DLC1: variants seen among roughly 807,000 people sequenced by gnomAD.
DLC1 encodes the protein rho GTPase-activating protein 7.
DLC1 carries 54 observed loss-of-function variants against 140.3 expected under a neutral mutation model. That is an observed-to-expected ratio of 0.38 (90% CI 0.31 to 0.48). The LOEUF (loss-of-function observed/expected upper bound fraction) is 0.48, where lower values mean the gene tolerates loss of function less well. Among genes scored for constraint, DLC1 ranks in the 20% least tolerant of loss-of-function variants. The pLI is 0.96. For missense variants in DLC1, 2,536 were observed against 1,907.0 expected (o/e 1.33, Z -6.14); for synonymous variants, 986 against 728.1 (o/e 1.35, Z -5.70).
At chr8:13,215,658 C>G (rs770923910) in intron 5 of DLC1, among the ~76,000 whole-genome samples, 1 of 152,002 alleles carries the variant, frequency 6.6e-6, no homozygotes, top group Non-Finnish European at 1.5e-5. Flanking sequence ...ACTAGGGAAG[C>G]AAACTTTAAA....
chr8:13,093,248 C>T (rs148790263), intron 12 of DLC1, among the ~76,000 whole-genome samples: 2,037 of 152,112 alleles, frequency 0.013, 15 homozygotes, highest in Middle Eastern at 0.048. Flanking sequence ...TGTACAAGAA[C>T]GTAAGAACAG....
chr8:13,143,813 T>TGAGAGAGAGAGAGATAGAGAGAGAGA (rs1823203084), intron 5 of DLC1, among the ~76,000 whole-genome samples: 1 of 128,642 alleles, frequency 7.8e-6, no homozygotes, highest in Non-Finnish European at 1.6e-5. Flanking sequence ...AATGAAAAGC[T>TGAGAGAGAGAGAGATAGAGAGAGAGA]GAGAGAGAGA....
intron 4 of DLC1, among the ~76,000 whole-genome samples, chr8:13,351,004 A>T (rs566117075): frequency 4.3e-4 from 65 of 152,348 alleles, no homozygotes; most frequent in African/African-American, 1.5e-3. Context: ...TTTGATACAG[A>T]TGCTTGGTTT....
At chr8:13,087,646 C>A (rs1306133922) in intron 16 of DLC1, among the ~76,000 whole-genome samples, 1 of 152,188 alleles carries the variant, frequency 6.6e-6, no homozygotes, top group Non-Finnish European at 1.5e-5. Context: ...AAAAAGAGCC[C>A]ATTTGAAGTG....
chr8:13,163,840 A>T (rs1438065529), intron 5 of DLC1, among the ~76,000 whole-genome samples: 1 of 151,974 alleles, frequency 6.6e-6, no homozygotes, highest in Non-Finnish European at 1.5e-5. Context: ...CCAAAACAAC[A>T]ACAGAATAAC....
chr8:13,243,671 C>T (rs145397356), intron 5 of DLC1, among the ~76,000 whole-genome samples: 1 of 152,220 alleles, frequency 6.6e-6, no homozygotes, highest in Non-Finnish European at 1.5e-5. Context: ...AAATTGTCAT[C>T]AGTATTTGAG....
intron 5 of DLC1, among the ~76,000 whole-genome samples, chr8:13,212,550 C>G (rs1490640504): frequency 2.0e-5 from 3 of 152,004 alleles, no homozygotes; most frequent in African/African-American, 7.3e-5. Flanking sequence ...GCTCTGGGCA[C>G]TCATTATGCA....
intron 4 of DLC1, among the ~76,000 whole-genome samples, chr8:13,318,788 A>G (rs558119311): frequency 1.3e-5 from 2 of 152,324 alleles, no homozygotes; most frequent in African/African-American, 4.8e-5. Flanking sequence ...TCTACATGTC[A>G]GTCCTTGGCC....
At chr8:13,319,862 G>T (rs1193269867) in intron 4 of DLC1, among the ~76,000 whole-genome samples, 1 of 108,228 alleles carries the variant, frequency 9.2e-6, no homozygotes, top group African/African-American at 3.6e-5. Context: ...TCGCTCTTTC[G>T]CCCAGGCTGC....
At chr8:13,580,712 T>A (rs145384309) in intron 1 of DLC1, among the ~76,000 whole-genome samples, 2 of 152,182 alleles carry the variant, frequency 1.3e-5, no homozygotes, top group Non-Finnish European at 2.9e-5. Flanking sequence ...GTTTCAAACT[T>A]TTAAGATCCT....
intron 2 of DLC1, among the ~76,000 whole-genome samples, chr8:13,483,002 C>T (rs576682194): frequency 6.6e-6 from 1 of 152,192 alleles, no homozygotes; most frequent in East Asian, 1.9e-4. Flanking sequence ...ATTTTTTTCA[C>T]AATTCTAGGG....
intron 5 of DLC1, among the ~76,000 whole-genome samples, chr8:13,164,447 C>T (rs80353067): frequency 0.011 from 1,666 of 152,254 alleles, 18 homozygotes; most frequent in South Asian, 0.04. Flanking sequence ...TGATCATATT[C>T]ATCCAGTCAA....
At chr8:13,305,905 G>A (rs1430024288) in intron 4 of DLC1, among the ~76,000 whole-genome samples, 1 of 152,164 alleles carries the variant, frequency 6.6e-6, no homozygotes, top group Admixed American at 6.5e-5. Context: ...TAGAATTTTT[G>A]TAGTTAACAT....
chr8:13,434,526 A>G (rs374803438), intron 2 of DLC1, among the ~76,000 whole-genome samples: 23 of 152,124 alleles, frequency 1.5e-4, no homozygotes, highest in African/African-American at 5.3e-4. Context: ...TTAAGAGAGA[A>G]AGCAAGAGGC....
At chr8:13,362,988 A>G (rs1237983005) in intron 4 of DLC1, among the ~76,000 whole-genome samples, 1 of 152,112 alleles carries the variant, frequency 6.6e-6, no homozygotes, top group Non-Finnish European at 1.5e-5. Flanking sequence ...CCTTATCACA[A>G]TGCGTGCATT....
chr8:13,229,322 G>A (rs1264960038), intron 5 of DLC1, among the ~76,000 whole-genome samples: 3 of 152,148 alleles, frequency 2.0e-5, no homozygotes, highest in Non-Finnish European at 4.4e-5. Context: ...CTAAGTGAAA[G>A]AAGCCAGTCA....
chr8:13,188,821 ATATATGTATATATATATATATATTTTTT>A (rs1826556933), intron 5 of DLC1, among the ~76,000 whole-genome samples: 1 of 41,442 alleles, frequency 2.4e-5, no homozygotes, highest in South Asian at 8.1e-4. Context: ...ATATATATAT[ATATATGTATATATATATATATATTTTTT>A]TTTTTTTTTT....
chr8:13,471,833 C>T (rs1386002224), intron 2 of DLC1, among the ~76,000 whole-genome samples: 1 of 152,160 alleles, frequency 6.6e-6, no homozygotes, highest in African/African-American at 2.4e-5. Context: ...CCCTTCCACC[C>T]CCACGCTGAA....
At chr8:13,267,002 T>C (rs1830714724) in intron 5 of DLC1, among the ~76,000 whole-genome samples, 1 of 152,168 alleles carries the variant, frequency 6.6e-6, no homozygotes, top group Admixed American at 6.5e-5. Flanking sequence ...TACCAACTCA[T>C]TTGTCCAGCC....
Sources: allele counts gnomAD v4.1 joint callset (sites outside exome capture counted in the v4.1 genomes callset), GRCh38; gene constraint gnomAD v4.1.1; transcripts MANE v1.5; gene names NCBI Gene and HGNC (gene_info 2026-07-23, HGNC 2026-07-21).